The following CCDC102B variants were observed in gnomAD, a reference collection of about 807,000 sequenced individuals.
CCDC102B encodes coiled-coil domain containing 102B.
In CCDC102B, 75 loss-of-function variants were observed where a neutral mutation model predicts 57.4. The ratio of observed to expected loss-of-function variants is 1.31; its 90% confidence interval spans 1.08 to 1.58. The LOEUF is 1.58. Among genes scored for constraint, CCDC102B ranks in the 40% most tolerant of loss-of-function variants. The probability of loss-of-function intolerance (pLI) is 0.00; values close to 1 mark genes in which losing one functional copy is unlikely to be tolerated. For missense variants in CCDC102B, 636 were observed against 582.6 expected (o/e 1.09, Z -0.94); for synonymous variants, 206 against 201.9 (o/e 1.02, Z -0.17).
intron 1 of CCDC102B, among the ~76,000 whole-genome samples, chr18:68,816,974 A>G (rs1038874900): frequency 3.3e-5 from 5 of 152,172 alleles, no homozygotes; most frequent in African/African-American, 7.2e-5. Context: ...TGTCTGCTCC[A>G]TTGTTCTGCA....
chr18:68,972,968 A>G (rs1568362037), intron 6 of CCDC102B, among the ~76,000 whole-genome samples: 1 of 152,130 alleles, frequency 6.6e-6, no homozygotes, highest in Non-Finnish European at 1.5e-5. Flanking sequence ...TAATCATGGG[A>G]TGCTTTCATT....
At chr18:68,820,374 T>C (rs1034518055) in intron 1 of CCDC102B, among the ~76,000 whole-genome samples, 8 of 152,136 alleles carry the variant, frequency 5.3e-5, no homozygotes, top group African/African-American at 1.9e-4. Context: ...AATCAAATGC[T>C]AAACCAAAAT....
intron 7 of CCDC102B, among the ~76,000 whole-genome samples, chr18:69,019,905 G>A (rs1031135947): frequency 6.6e-6 from 1 of 151,996 alleles, no homozygotes; most frequent in Non-Finnish European, 1.5e-5. Flanking sequence ...ATTTTATTTA[G>A]ACTTATTATC....
chr18:68,897,244 C>T lies in CCDC102B; in HGVS notation c.1079C>T (p.Thr360Ile). Residue 360 changes from threonine (T) to isoleucine (I), a missense_variant, in exon 6 of 8, where the codon ACC becomes ATC. Thr to Ile is a moderately conservative substitution (Grantham distance 89, BLOSUM62 -1). Coordinates refer to ENST00000360242, the MANE Select transcript of CCDC102B (RefSeq NM_024781.3). ...AELERLQAEN[T>I]SEWDKREILE... ...CTAGAGAGATTGCAAGCTGAAAATA[C>T]CTCGGAGTGGGACAAGAGGGAAATA... 6.2e-7 allele frequency: 1 copy of T among 1,612,456 alleles called. No individual in the cohort carries two copies. Among genetic ancestry groups the T allele is most frequent in the Non-Finnish European group, 8.5e-7 (1 of 1,179,032 alleles).
At chr18:68,974,183 G>A (rs1332007660) in intron 6 of CCDC102B, among the ~76,000 whole-genome samples, 1 of 152,008 alleles carries the variant, frequency 6.6e-6, no homozygotes, top group East Asian at 1.9e-4. Context: ...AGCTATTCAG[G>A]TCATGAGAGT....
intron 5 of CCDC102B, among the ~76,000 whole-genome samples, chr18:68,885,069 A>G (rs4891711): frequency 0.91 from 138,616 of 151,816 alleles, 63,344 homozygotes; most frequent in East Asian, 0.99. Flanking sequence ...TCTAATATCC[A>G]AACAGCAAAA....
chr18:68,949,849 T>C (rs1003421081), intron 6 of CCDC102B, among the ~76,000 whole-genome samples: 1 of 152,188 alleles, frequency 6.6e-6, no homozygotes, highest in Admixed American at 6.5e-5. Flanking sequence ...GCACCCATTA[T>C]GAAATTGTGG....
intron 6 of CCDC102B, among the ~76,000 whole-genome samples, chr18:69,001,936 T>G (rs1186360800): frequency 6.6e-6 from 1 of 152,202 alleles, no homozygotes; most frequent in Non-Finnish European, 1.5e-5. Flanking sequence ...ATGGCCCCCT[T>G]GCACTTCATT....
chr18:68,917,029 A>T (rs891547285), intron 6 of CCDC102B, among the ~76,000 whole-genome samples: 7 of 152,150 alleles, frequency 4.6e-5, no homozygotes, highest in African/African-American at 1.7e-4. Flanking sequence ...TCAGACAGGG[A>T]TTTTGAAATA....
At chr18:69,012,730 A>G (rs372892576) in intron 7 of CCDC102B, among the ~76,000 whole-genome samples, 1 of 152,132 alleles carries the variant, frequency 6.6e-6, no homozygotes, top group African/African-American at 2.4e-5. Context: ...AATTAAGAGG[A>G]CATAAAGCTA....
At chr18:69,009,603 C>T (rs111417703) in intron 6 of CCDC102B, among the ~76,000 whole-genome samples, 31 of 152,028 alleles carry the variant, frequency 2.0e-4, no homozygotes, top group Non-Finnish European at 3.5e-4. Flanking sequence ...ACTTCCCCTA[C>T]GTGATGACTA....
intron 7 of CCDC102B, among the ~76,000 whole-genome samples, chr18:69,042,980 C>G (rs2052469144): frequency 6.6e-6 from 1 of 151,994 alleles, no homozygotes. Context: ...AACCAGCGTT[C>G]AGCATATGGA....
intron 5 of CCDC102B, among the ~76,000 whole-genome samples, chr18:68,875,524 T>G (rs1275573488): frequency 6.6e-6 from 1 of 152,172 alleles, no homozygotes; most frequent in East Asian, 1.9e-4. Context: ...TTAATGCAAC[T>G]GTAGGCTGGT....
chr18:68,872,584 G>A (rs2039282162), intron 4 of CCDC102B, among the ~76,000 whole-genome samples: 1 of 151,134 alleles, frequency 6.6e-6, no homozygotes, highest in South Asian at 2.1e-4. Flanking sequence ...TCTTACATTG[G>A]ATCCAGTTTT....
chr18:68,850,610 G>A (rs909716773), intron 4 of CCDC102B, among the ~76,000 whole-genome samples: 3 of 151,996 alleles, frequency 2.0e-5, no homozygotes, highest in African/African-American at 7.2e-5. Flanking sequence ...ACCATCCACA[G>A]GGATGGATGT....
chr18:68,907,983 C>CT (rs1359516752), intron 6 of CCDC102B: 2 of 152,052 alleles, frequency 1.3e-5, no homozygotes, highest in Admixed American at 6.6e-5. Context: ...TTATTGTTTT[C>CT]TTTTTTTCTC....
At chr18:68,776,969 C>G (rs2034841401) in intron 2 of CCDC102B, among the ~76,000 whole-genome samples, 1 of 151,900 alleles carries the variant, frequency 6.6e-6, no homozygotes, top group Non-Finnish European at 1.5e-5. Flanking sequence ...TATATTGTGT[C>G]TCTGTGTGTG....
intron 6 of CCDC102B, among the ~76,000 whole-genome samples, chr18:68,940,539 A>C (rs138648787): frequency 3.9e-5 from 6 of 151,988 alleles, no homozygotes; most frequent in African/African-American, 1.4e-4. Flanking sequence ...TCTGCTCTAA[A>C]AAATCTTAAA....
rs775082263 is a variant in CCDC102B, at chr18:68,837,255, A to G, written c.492A>G (p.Val164=). 1 of 1,614,208 alleles carries G rather than the reference A, an allele frequency of 6.2e-7. No individual in the cohort carries two copies. The highest frequency in any genetic ancestry group is 2.2e-5 in the East Asian group (1 of 44,880). The change falls in exon 2 of 8, where the codon GTA becomes GTG. Residue 164 remains valine, a synonymous_variant. Transcript: ENST00000360242. ...VTQDLKLPGF[V]EESCEHTDQF... ...AGGATCTGAAGCTTCCTGGCTTCGT[A>G]GAAGAATCCTGTGAACATACAGACC...
Sources: allele counts gnomAD v4.1 joint callset (sites outside exome capture counted in the v4.1 genomes callset), GRCh38; gene constraint gnomAD v4.1.1; transcripts MANE v1.5; gene names NCBI Gene and HGNC (gene_info 2026-07-23, HGNC 2026-07-21).